Variants in ENTPD1 observed in about 807,000 individuals in gnomAD.
ENTPD1 encodes ATP diphosphohydrolase.
ENTPD1 carries 33 observed loss-of-function variants against 57.0 expected under a neutral mutation model. That is an observed-to-expected ratio of 0.58 (90% CI 0.44 to 0.77). The LOEUF (loss-of-function observed/expected upper bound fraction) is 0.77, where lower values mean the gene tolerates loss of function less well. ENTPD1 is among the 30% of genes least tolerant of loss of function. The probability of loss-of-function intolerance (pLI) is 0.00; values close to 1 mark genes in which losing one functional copy is unlikely to be tolerated. For missense variants in ENTPD1, 501 were observed against 603.4 expected (o/e 0.83, Z 1.78); for synonymous variants, 202 against 218.8 (o/e 0.92, Z 0.68).
intron 1 of ENTPD1, among the ~76,000 whole-genome samples, chr10:95,770,148 A>C (rs2098109615): frequency 6.6e-6 from 1 of 151,962 alleles, no homozygotes; most frequent in Non-Finnish European, 1.5e-5. Context: ...AAAAAAAAAA[A>C]AACGACAATG....
At chr10:95,713,913 C>A (rs1402090273) in intron 1 of ENTPD1, among the ~76,000 whole-genome samples, 10 of 152,186 alleles carry the variant, frequency 6.6e-5, no homozygotes. Flanking sequence ...TGGCATAAGT[C>A]CAAATTTTTG....
upstream of ENTPD1, among the ~76,000 whole-genome samples, chr10:95,707,367 TGGGTAGCTCCCACCCCAATTCAGAAA>T (rs1394379006): frequency 6.6e-6 from 1 of 152,150 alleles, no homozygotes; most frequent in East Asian, 1.9e-4. Context: ...CAGTGGTACC[TGGGTAGCTCCCACCCCAATTCAGAAA>T]GGGCAGGCCT....
intron 1 of ENTPD1, among the ~76,000 whole-genome samples, chr10:95,741,841 G>C (rs1202947237): frequency 6.6e-6 from 1 of 152,108 alleles, no homozygotes; most frequent in Non-Finnish European, 1.5e-5. Flanking sequence ...TATAAAAATT[G>C]CTATTACTAT....
intron 1 of ENTPD1, among the ~76,000 whole-genome samples, chr10:95,764,906 G>A (rs2140035204): frequency 6.6e-6 from 1 of 152,090 alleles, no homozygotes; most frequent in African/African-American, 2.4e-5. Flanking sequence ...ATTTTTAGTA[G>A]AGACGGGCTT....
chr10:95,722,739 C>A (rs2097978978), intron 1 of ENTPD1, among the ~76,000 whole-genome samples: 1 of 152,128 alleles, frequency 6.6e-6, no homozygotes, highest in Non-Finnish European at 1.5e-5. Context: ...TCGTCCTGTC[C>A]TGAAGGGAGT....
At chr10:95,705,943 T>A in the ENTPD1 span, among the ~76,000 whole-genome samples, 31 of 152,256 alleles carry the variant, frequency 2.0e-4, no homozygotes, top group Middle Eastern at 3.4e-3. Context: ...ATGAAAAATT[T>A]AAAAATTTAG....
chr10:95,747,138 G>A (rs567099123), intron 1 of ENTPD1, among the ~76,000 whole-genome samples: 11 of 152,182 alleles, frequency 7.2e-5, no homozygotes, highest in Non-Finnish European at 1.0e-4. Context: ...GAAGTATTGC[G>A]ATTTACCATA....
rs1177998130 is a variant in ENTPD1, at chr10:95,739,808, A to G, written c.37+27815A>G. 2.0e-5 allele frequency among the ~76,000 whole-genome samples: 3 copies of G among 152,230 alleles called. No individual in the cohort carries two copies. In the East Asian group the frequency reaches 5.8e-4, roughly 29 times the overall value. On this transcript the variant is annotated intron_variant, in intron 1 of 9. Coordinates refer to the ENTPD1 transcript ENST00000453258. ...TACTTTGCCCACATCCAACAGAGGA[A>G]CTATCTATGATGGCTACAGACTTAT...
chr10:95,803,944 A>G (rs1475747098), intron 1 of ENTPD1, among the ~76,000 whole-genome samples: 2 of 152,230 alleles, frequency 1.3e-5, no homozygotes, highest in Admixed American at 6.5e-5. Context: ...TCCCAGGACC[A>G]TTCATTAAAT....
intron 1 of ENTPD1, among the ~76,000 whole-genome samples, chr10:95,787,572 A>G (rs1325485227): frequency 6.6e-6 from 1 of 152,190 alleles, no homozygotes; most frequent in African/African-American, 2.4e-5. Context: ...TGAATATAAG[A>G]TAAACCACCC....
intron 3 of ENTPD1, among the ~76,000 whole-genome samples, chr10:95,840,351 A>G (rs1428390059): frequency 1.3e-5 from 2 of 152,218 alleles, no homozygotes; most frequent in Non-Finnish European, 2.9e-5. Flanking sequence ...TCTGGAATGA[A>G]GCCTGATAAT....
chr10:95,767,649 C>A (rs1021377503), intron 1 of ENTPD1, among the ~76,000 whole-genome samples: 16 of 151,780 alleles, frequency 1.1e-4, no homozygotes, highest in African/African-American at 3.4e-4. Context: ...GGACCCTAAT[C>A]TTGATTCCTT....
At chr10:95,720,617 G>T (rs1273058685) in intron 1 of ENTPD1, among the ~76,000 whole-genome samples, 2 of 152,158 alleles carry the variant, frequency 1.3e-5, no homozygotes, top group African/African-American at 4.8e-5. Flanking sequence ...CTCTGTGAGG[G>T]TGATGGCATG....
At chr10:95,694,231 GC>G in the ENTPD1 span, 1 of 351,792 alleles carries the variant, frequency 2.8e-6, no homozygotes, top group Non-Finnish European at 5.3e-6. Context: ...CCACTTCGCG[GC>G]CCAGAGGACT....
At chr10:95,837,538 C>G (rs1405102889) in intron 2 of ENTPD1, among the ~76,000 whole-genome samples, 3 of 152,176 alleles carry the variant, frequency 2.0e-5, no homozygotes, top group Non-Finnish European at 4.4e-5. Flanking sequence ...AGCCAGCATA[C>G]AGGCCCTTTT....
intron 2 of ENTPD1, among the ~76,000 whole-genome samples, chr10:95,825,524 A>G (rs547757960): frequency 1.3e-5 from 2 of 152,256 alleles, no homozygotes; most frequent in East Asian, 3.9e-4. Context: ...GGATATTTGT[A>G]CTGATACATG....
At chr10:95,799,602 A>G (rs1432732238) in intron 1 of ENTPD1, among the ~76,000 whole-genome samples, 1 of 152,086 alleles carries the variant, frequency 6.6e-6, no homozygotes, top group African/African-American at 2.4e-5. Context: ...GCTGCAGTGA[A>G]CATATGTGTC....
Position 95,866,991 on chromosome 10 carries a change from C to G in ENTPD1, c.*608C>G. On this transcript the variant is annotated 3_prime_UTR_variant, in exon 10 of 10. Coordinates refer to ENST00000371205, the MANE Select transcript of ENTPD1 (RefSeq NM_001776.6). ...AGTCAATACAGTTCTCAATCCCACC[C>G]AAAGCAGGTATGTCAATAAATCACA... 1.0e-6 allele frequency: 1 copy of G among 993,854 alleles called. No individual in the cohort carries two copies. The highest frequency in any genetic ancestry group is 1.2e-6 in the Non-Finnish European group (1 of 834,464). The allele number at this position is 993,854 out of a possible 1,614,324, so 61.6% of individuals were successfully genotyped here. A position where few individuals can be genotyped will look rare whatever the true frequency, so the allele number is the denominator to read the frequency against.
upstream of ENTPD1, chr10:95,754,346 G>A (rs2098017415): frequency 6.7e-6 from 1 of 149,660 alleles, no homozygotes. Context: ...ATATCCTAAT[G>A]TAATAAAGTA....
Sources: allele counts gnomAD v4.1 joint callset (sites outside exome capture counted in the v4.1 genomes callset), GRCh38; gene constraint gnomAD v4.1.1; transcripts MANE v1.5; gene names NCBI Gene and HGNC (gene_info 2026-07-23, HGNC 2026-07-21).